The following SPOCK1 variants were observed in gnomAD, a reference collection of about 807,000 sequenced individuals.
SPOCK1 encodes the protein testican-1.
Under a neutral mutation model 55.3 loss-of-function variants are expected in SPOCK1, and 23 were observed. The observed-to-expected ratio is 0.42, with a 90% CI of 0.30 to 0.59. SPOCK1 has a LOEUF of 0.59. Among genes scored for constraint, SPOCK1 ranks in the 20% least tolerant of loss-of-function variants. SPOCK1 has a pLI of 0.22. For synonymous variants in SPOCK1, 226 were observed against 221.0 expected, an observed-to-expected ratio of 1.02 and a Z score of -0.20; for missense variants, 499 against 552.5, an observed-to-expected ratio of 0.90 and a Z score of 0.97.
chr5:137,160,206 C>T (rs1053949941), intron 3 of SPOCK1, among the ~76,000 whole-genome samples: 1 of 150,792 alleles, frequency 6.6e-6, no homozygotes, highest in Non-Finnish European at 1.5e-5. Flanking sequence ...TGAGAACATA[C>T]GATGTTTGGT....
intron 2 of SPOCK1, among the ~76,000 whole-genome samples, chr5:137,341,184 G>C (rs1217675113): frequency 2.6e-5 from 4 of 152,244 alleles, no homozygotes; most frequent in African/African-American, 7.2e-5. Context: ...CACGCGCTTG[G>C]CAGACACTTT....
intron 6 of SPOCK1, among the ~76,000 whole-genome samples, chr5:137,013,063 G>C (rs1751381915): frequency 6.6e-6 from 1 of 152,176 alleles, no homozygotes; most frequent in African/African-American, 2.4e-5. Flanking sequence ...GGGAGAAAGA[G>C]AGACACAGAG....
chr5:136,984,359 G>A (rs1051692205), intron 9 of SPOCK1, among the ~76,000 whole-genome samples: 1 of 146,602 alleles, frequency 6.8e-6, no homozygotes. Flanking sequence ...CTTGGGGAAT[G>A]CATCTGCCTC....
intron 5 of SPOCK1, among the ~76,000 whole-genome samples, chr5:137,098,423 T>C (rs1753195153): frequency 1.3e-5 from 2 of 152,148 alleles, no homozygotes; most frequent in Admixed American, 1.3e-4. Flanking sequence ...TCAGGACCAG[T>C]GGCCCAGCAG....
intron 2 of SPOCK1, among the ~76,000 whole-genome samples, chr5:137,480,765 A>G (rs1753934111): frequency 6.6e-6 from 1 of 152,146 alleles, no homozygotes. Flanking sequence ...GCACCTAAGA[A>G]GCCAGGGGAA....
intron 3 of SPOCK1, among the ~76,000 whole-genome samples, chr5:137,251,973 G>A (rs1756540401): frequency 6.6e-6 from 1 of 150,454 alleles, no homozygotes. Context: ...AGGCTGGAGT[G>A]CAGTGGTGCA....
chr5:137,418,899 G>A (rs1362254854), intron 2 of SPOCK1, among the ~76,000 whole-genome samples: 3 of 152,272 alleles, frequency 2.0e-5, no homozygotes, highest in African/African-American at 7.2e-5. Context: ...GAATGGTATT[G>A]CCAAGGTTTT....
At chr5:137,291,886 G>C (rs767136539) in intron 2 of SPOCK1, among the ~76,000 whole-genome samples, 2 of 152,224 alleles carry the variant, frequency 1.3e-5, no homozygotes, top group Non-Finnish European at 2.9e-5. Context: ...GACCTTCACA[G>C]CTTGGTAAAA....
At chr5:137,433,417 G>A (rs1028093425) in intron 2 of SPOCK1, among the ~76,000 whole-genome samples, 5 of 152,164 alleles carry the variant, frequency 3.3e-5, no homozygotes, top group African/African-American at 1.2e-4. Flanking sequence ...TGCATCCACA[G>A]CACCTAGGAC....
At chr5:137,098,249 A>G (rs1318590824) in intron 5 of SPOCK1, among the ~76,000 whole-genome samples, 1 of 152,246 alleles carries the variant, frequency 6.6e-6, no homozygotes, top group African/African-American at 2.4e-5. Flanking sequence ...ATACCTAACA[A>G]GCCAAGGACA....
intron 3 of SPOCK1, among the ~76,000 whole-genome samples, chr5:137,217,549 C>T (rs2060425): frequency 0.4 from 60,593 of 152,130 alleles, 13,189 homozygotes; most frequent in Non-Finnish European, 0.48. Context: ...TGGGATGTAA[C>T]ACGCCTCTGT....
At chr5:137,154,975 T>A (rs1754387297) in intron 3 of SPOCK1, among the ~76,000 whole-genome samples, 1 of 152,188 alleles carries the variant, frequency 6.6e-6, no homozygotes, top group Non-Finnish European at 1.5e-5. Context: ...TGAGCTCAGC[T>A]CCTTGCACAC....
At chr5:137,366,208 C>T (rs1205141805) in intron 2 of SPOCK1, among the ~76,000 whole-genome samples, 1 of 152,170 alleles carries the variant, frequency 6.6e-6, no homozygotes, top group African/African-American at 2.4e-5. Context: ...AATAAGACAG[C>T]ACTGTTCAAC....
At chr5:137,119,047 C>T (rs1343705006) in intron 4 of SPOCK1, among the ~76,000 whole-genome samples, 2 of 152,152 alleles carry the variant, frequency 1.3e-5, no homozygotes, top group East Asian at 1.9e-4. Context: ...ATAAGGCATA[C>T]ATAACCAGTC....
intron 2 of SPOCK1, among the ~76,000 whole-genome samples, chr5:137,387,546 C>T (rs1751621197): frequency 6.6e-6 from 1 of 152,158 alleles, no homozygotes. Flanking sequence ...TGTGCAAAGG[C>T]TTACAATACT....
At chr5:137,409,556 T>C (rs1010807209) in intron 2 of SPOCK1, among the ~76,000 whole-genome samples, 1 of 152,200 alleles carries the variant, frequency 6.6e-6, no homozygotes, top group African/African-American at 2.4e-5. Flanking sequence ...ATAGTACCCA[T>C]CTCCTAGGGT....
Position 137,367,290 on chromosome 5 carries a change from C to T in SPOCK1, c.187-100235G>A, listed in dbSNP as rs553109300. On this transcript the variant is annotated intron_variant, in intron 2 of 10. Transcript: ENST00000394945. The stretch of plus-strand genomic sequence containing the variant: ...AAGAAGAGCCCTGGTCTGGACTCTC[C>T]GTAAGCCTTTACCATCCCTGAACAG... Among the ~76,000 whole-genome samples, 5 of 152,250 alleles carry T rather than the reference C, an allele frequency of 3.3e-5. No homozygotes were observed. The South Asian group carries it at 6.2e-4, about 19-fold the overall frequency.
At chr5:137,000,642 C>T (rs1326507229) in intron 6 of SPOCK1, among the ~76,000 whole-genome samples, 2 of 152,198 alleles carry the variant, frequency 1.3e-5, no homozygotes, top group African/African-American at 4.8e-5. Context: ...AGTGAGTCTA[C>T]AATTCCCTTA....
At position 137,007,744 on chromosome 5, in the gene SPOCK1, AT is replaced by A. The variant is rs372431103; in HGVS notation, c.590-15145del. The stretch of plus-strand genomic sequence containing the variant: ...AAGACAATGTGGCGATTCCTCAAGG[AT>A]TTAGAACTAGAAATACCATTTGACC... On this transcript the variant is annotated intron_variant, in intron 6 of 10. Coordinates refer to ENST00000394945, the MANE Select transcript of SPOCK1 (RefSeq NM_004598.4). Among the ~76,000 whole-genome samples, 564 of 152,300 alleles carry A rather than the reference AT, an allele frequency of 3.7e-3. 8 individuals carry two copies. The highest frequency in any genetic ancestry group is 0.02 in the Middle Eastern group (6 of 294).
Sources: gnomAD v4.1 joint callset for allele counts (sites outside exome capture counted in the v4.1 genomes callset) on GRCh38, gnomAD v4.1.1 for gene constraint, MANE v1.5 for transcripts, NCBI Gene and HGNC (gene_info 2026-07-23, HGNC 2026-07-21) for gene names.